Variants in CSMD1 observed in about 807,000 individuals in gnomAD.
The protein encoded by CSMD1 is CUB and sushi domain-containing protein 1.
Under a neutral mutation model 417.5 loss-of-function variants are expected in CSMD1, and 213 were observed. That is an observed-to-expected ratio of 0.51 (90% CI 0.46 to 0.57). The LOEUF (loss-of-function observed/expected upper bound fraction) is 0.57. CSMD1 is among the 20% of genes least tolerant of loss of function. The probability of loss-of-function intolerance (pLI) is 0.00; values close to 1 mark genes in which losing one functional copy is unlikely to be tolerated. For missense variants in CSMD1, 6,923 were observed against 4,529.7 expected (o/e 1.53, Z -15.17); for synonymous variants, 2,862 against 1,736.8 (o/e 1.65, Z -16.11).
At chr8:4,123,023 A>C (rs958276768) in intron 3 of CSMD1, among the ~76,000 whole-genome samples, 9 of 152,226 alleles carry the variant, frequency 5.9e-5, no homozygotes, top group Admixed American at 2.6e-4. Context: ...GACAAATTAC[A>C]ATCAGAGACT....
At chr8:4,577,089 T>C (rs1019924190) in intron 2 of CSMD1, among the ~76,000 whole-genome samples, 15 of 152,224 alleles carry the variant, frequency 9.9e-5, no homozygotes, top group African/African-American at 2.4e-4. Context: ...ATAATTTGTA[T>C]ATACACACAC....
At chr8:4,316,699 T>G (rs905574941) in intron 3 of CSMD1, among the ~76,000 whole-genome samples, 1 of 152,090 alleles carries the variant, frequency 6.6e-6, no homozygotes, top group African/African-American at 2.4e-5. Context: ...GCTTCCTTTA[T>G]GTGTTTCAAA....
At chr8:3,276,649 C>T (rs34835783) in intron 26 of CSMD1, among the ~76,000 whole-genome samples, 32 of 151,878 alleles carry the variant, frequency 2.1e-4, no homozygotes, top group Middle Eastern at 3.4e-3. Context: ...ACAGCCAAAC[C>T]GTATCATTAT....
At chr8:3,079,422 T>C (rs1004524325) in intron 49 of CSMD1, among the ~76,000 whole-genome samples, 1 of 152,124 alleles carries the variant, frequency 6.6e-6, no homozygotes, top group Admixed American at 6.6e-5. Context: ...TCTAATGAAA[T>C]CTAAATGTCT....
intron 1 of CSMD1, among the ~76,000 whole-genome samples, chr8:4,907,999 G>C (rs1159381382): frequency 6.6e-6 from 1 of 151,900 alleles, no homozygotes; most frequent in Non-Finnish European, 1.5e-5. Context: ...ACACCATCTG[G>C]GAATTATTAC....
intron 5 of CSMD1, among the ~76,000 whole-genome samples, chr8:3,920,732 G>T (rs1035645270): frequency 1.3e-5 from 1 of 79,384 alleles, no homozygotes; most frequent in Non-Finnish European, 2.5e-5. Flanking sequence ...CTATTGAGAT[G>T]ATCCTATAAA....
chr8:4,698,626 G>A (rs10110982), intron 1 of CSMD1, among the ~76,000 whole-genome samples: 93,668 of 148,764 alleles, frequency 0.63, 30,021 homozygotes, highest in Middle Eastern at 0.73. Flanking sequence ...CTAAGGAGCA[G>A]GAAGTTTAAT....
intron 26 of CSMD1, among the ~76,000 whole-genome samples, chr8:3,268,282 ATTTCCTATTTTT>A (rs1466918726): frequency 1.2e-4 from 14 of 113,226 alleles, no homozygotes; most frequent in Non-Finnish European, 2.3e-4. Context: ...CAGATGGTTC[ATTTCCTATTTTT>A]TTTTTTTTTT....
At chr8:4,110,400 T>G (rs1466049939) in intron 3 of CSMD1, among the ~76,000 whole-genome samples, 1 of 152,090 alleles carries the variant, frequency 6.6e-6, no homozygotes, top group Non-Finnish European at 1.5e-5. Context: ...GCAGAAAGAG[T>G]CAAAAATATA....
At chr8:4,135,661 C>G (rs979877254) in intron 3 of CSMD1, among the ~76,000 whole-genome samples, 7 of 151,776 alleles carry the variant, frequency 4.6e-5, no homozygotes, top group Admixed American at 2.0e-4. Flanking sequence ...GAAGAAGAAA[C>G]CAAAATATTT....
chr8:4,596,919 T>A (rs1800311638), intron 2 of CSMD1, among the ~76,000 whole-genome samples: 1 of 152,198 alleles, frequency 6.6e-6, no homozygotes, highest in Non-Finnish European at 1.5e-5. Context: ...GATGGGTTTA[T>A]CAGGGGTTTC....
chr8:4,290,436 C>G (rs1360102682), intron 3 of CSMD1, among the ~76,000 whole-genome samples: 1 of 152,158 alleles, frequency 6.6e-6, no homozygotes, highest in Admixed American at 6.6e-5. Context: ...ATTTGAACTT[C>G]CATGCTGTTC....
At chr8:4,431,558 C>A (rs997644400) in intron 2 of CSMD1, among the ~76,000 whole-genome samples, 1 of 152,126 alleles carries the variant, frequency 6.6e-6, no homozygotes, top group Non-Finnish European at 1.5e-5. Context: ...ACACCAGCCC[C>A]GGCCCCATTT....
At chr8:3,250,708 T>G (rs976353839) in intron 26 of CSMD1, among the ~76,000 whole-genome samples, 1 of 152,190 alleles carries the variant, frequency 6.6e-6, no homozygotes, top group Non-Finnish European at 1.5e-5. Flanking sequence ...CTCCACATCC[T>G]CTCCAGCACC....
At chr8:3,008,904 G>C (rs1808169799) in intron 52 of CSMD1, among the ~76,000 whole-genome samples, 1 of 152,172 alleles carries the variant, frequency 6.6e-6, no homozygotes, top group South Asian at 2.1e-4. Flanking sequence ...AACGCACGCA[G>C]AGTGAACACC....
At chr8:3,632,767 T>A (rs547313928) in intron 7 of CSMD1, among the ~76,000 whole-genome samples, 1 of 152,350 alleles carries the variant, frequency 6.6e-6, no homozygotes, top group South Asian at 2.1e-4. Context: ...GCCCTTGTTT[T>A]GTTTTTGGCA....
chr8:4,705,492 C>A (rs1013619450), intron 1 of CSMD1, among the ~76,000 whole-genome samples: 9 of 152,172 alleles, frequency 5.9e-5, no homozygotes, highest in Non-Finnish European at 1.0e-4. Context: ...TTGCAATTAT[C>A]CTCTCCAAGA....
chr8:3,165,094 A>C (rs1820125805), intron 37 of CSMD1, among the ~76,000 whole-genome samples: 1 of 152,082 alleles, frequency 6.6e-6, no homozygotes, highest in Admixed American at 6.6e-5. Context: ...AGACTCAGGA[A>C]GCAGTTCTAT....
At chr8:4,199,450 C>G (rs1799524468) in intron 3 of CSMD1, among the ~76,000 whole-genome samples, 1 of 152,156 alleles carries the variant, frequency 6.6e-6, no homozygotes, top group Non-Finnish European at 1.5e-5. Flanking sequence ...TATTGCATCT[C>G]AGTTTCCTGA....
Sources: allele counts gnomAD v4.1 joint callset (sites outside exome capture counted in the v4.1 genomes callset), GRCh38; gene constraint gnomAD v4.1.1; transcripts MANE v1.5; gene names NCBI Gene and HGNC (gene_info 2026-07-23, HGNC 2026-07-21).